RPS9: variants seen among roughly 807,000 people sequenced by gnomAD.
RPS9 encodes the protein ribosomal protein S9.
Under a neutral mutation model 16.9 loss-of-function variants are expected in RPS9, and 1 was observed. The ratio of observed to expected loss-of-function variants is 0.06; its 90% confidence interval spans 0.02 to 0.28. RPS9 has a LOEUF of 0.28. Among genes scored for constraint, RPS9 ranks in the 10% least tolerant of loss-of-function variants. The pLI is 1.00. For synonymous variants in RPS9, 106 were observed against 110.9 expected (o/e 0.96, Z 0.28); for missense variants, 137 against 273.2 (o/e 0.50, Z 3.51).
intron 4 of RPS9, 181 bp from the exon 5 acceptor site, chr19:54,207,216 AT>A (rs1439486863): frequency 1.8e-6 from 1 of 560,744 alleles, no homozygotes; most frequent in Non-Finnish European, 3.1e-6. Context: ...ATTTTTGGGG[AT>A]TAAGGTGATA....
intron 3 of RPS9, among the ~76,000 whole-genome samples, chr19:54,204,429 G>C (rs183645910): frequency 6.6e-6 from 1 of 152,072 alleles, no homozygotes; most frequent in Non-Finnish European, 1.5e-5. Context: ...TAATGGTGAC[G>C]ATCTCACTTT....
intron 4 of RPS9, 34 bp from the exon 5 acceptor site, chr19:54,207,364 C>T (rs747949256): frequency 2.5e-6 from 4 of 1,571,628 alleles, no homozygotes; most frequent in Non-Finnish European, 3.5e-6. Context: ...GTCCGTTTCT[C>T]CTCCAGTCCA....
chr19:54,202,181 A>T (rs1365225764), intron 3 of RPS9, among the ~76,000 whole-genome samples: 1 of 151,290 alleles, frequency 6.6e-6, no homozygotes, highest in South Asian at 2.1e-4. Flanking sequence ...GCACGCCACC[A>T]CACCTGGCTA....
chr19:54,202,947 C>T (rs1003480471), intron 3 of RPS9: 149 of 968,868 alleles, frequency 1.5e-4, no homozygotes, highest in Non-Finnish European at 1.8e-4. Context: ...ATCCATCCAC[C>T]TCAGCTTTCC....
rs1411418806 is a variant in RPS9, at chr19:54,206,164, T to TC, written c.221-112_221-111insC. 1.6e-5 allele frequency: 17 copies of TC among 1,035,254 alleles called. No individual in the cohort carries two copies. The East Asian group carries it at 4.4e-4, about 27-fold the overall frequency. The allele number at this position is 1,035,254 out of a possible 1,614,324, so 64.1% of individuals were successfully genotyped here. A position where few individuals can be genotyped will look rare whatever the true frequency, so the allele number is the denominator to read the frequency against. On this transcript the variant is annotated intron_variant, in intron 3 of 4. Coordinates refer to ENST00000302907, the MANE Select transcript of RPS9 (RefSeq NM_001013.4). ...ATGGGTCACGGTGATGGCGCTGTAC[T>TC]ACTTGTGCCTCACCGCCGCGGCATG...
At chr19:54,202,348 G>T in intron 3 of RPS9, 1 of 828,576 alleles carries the variant, frequency 1.2e-6, no homozygotes, top group Non-Finnish European at 1.5e-6. Flanking sequence ...ACCAAGCCTG[G>T]CTAATTTTCT....
intron 3 of RPS9, chr19:54,202,736 A>G (rs2077102186): frequency 1.0e-6 from 1 of 985,258 alleles, no homozygotes; most frequent in African/African-American, 1.7e-5. Flanking sequence ...TTATGGTGAA[A>G]AGCAGTCTCT....
At chr19:54,202,599 T>C (rs1279160907) in intron 3 of RPS9, 1 of 985,276 alleles carries the variant, frequency 1.0e-6, no homozygotes, top group South Asian at 4.7e-5. Flanking sequence ...ATCTTAACCA[T>C]CTTGTTTTAA....
In RPS9 at chr19:54,201,472, C is replaced by A; in HGVS notation, c.98-15C>A. 6.2e-7 allele frequency: 1 copy of A among 1,613,626 alleles called. No homozygotes were observed. The highest frequency in any genetic ancestry group is 8.5e-7 in the Non-Finnish European group (1 of 1,179,794). On this transcript the variant is annotated splice_polypyrimidine_tract_variant and intron_variant, in intron 2 of 4. Coordinates refer to ENST00000302907, the MANE Select transcript of RPS9 (RefSeq NM_001013.4). ...TACGTGGGACTACACTTGTCCACCC[C>A]CTTCTCCCCACCAGGCGAGTATGGG...
intron 3 of RPS9, among the ~76,000 whole-genome samples, chr19:54,204,163 C>T (rs1354772123): frequency 6.6e-6 from 1 of 152,164 alleles, no homozygotes; most frequent in East Asian, 1.9e-4. Flanking sequence ...GCGGATCACC[C>T]GAGGTCGGGA....
intron 3 of RPS9, 99 bp from the exon 4 acceptor site, chr19:54,206,177 C>T (rs1600767872): frequency 1.6e-6 from 2 of 1,226,368 alleles, no homozygotes; most frequent in East Asian, 5.0e-5. Flanking sequence ...TTGTGCCTCA[C>T]CGCCGCGGCA....
At position 54,206,394 on chromosome 19, in the gene RPS9, G is replaced by T; in HGVS notation, c.339G>T (p.Gln113His). 6.2e-7 allele frequency: 1 copy of T among 1,614,284 alleles called. No individual in the cohort carries two copies. Among genetic ancestry groups the T allele is most frequent in the Non-Finnish European group, 8.5e-7 (1 of 1,180,054 alleles). The change falls in exon 4 of 5, where the codon CAG (glutamine) becomes CAT (histidine). Residue 113 changes from glutamine (Q) to histidine (H), a missense_variant. Physicochemically the swap from Gln to His is conservative, Grantham distance 24. Coordinates refer to ENST00000302907, the MANE Select transcript of RPS9 (RefSeq NM_001013.4). ...EDFLERRLQT[Q>H]VFKLGLAKSI... The stretch of plus-strand genomic sequence containing the variant: ...TCTTAGAGAGACGCCTGCAGACCCA[G>T]GTCTTCAAGCTGGGCTTGGCCAAGT...
Position 54,203,276 on chromosome 19 carries a change from G to A in RPS9, c.220+1667G>A, listed in dbSNP as rs141801408. The A allele has an allele frequency of 2.7e-4, 270 of 985,332 alleles. 2 individuals are homozygous for A. The African/African-American group carries it at 4.4e-3, about 16-fold the overall frequency. 61.0% of individuals were successfully genotyped at this position (985,332 alleles called of 1,614,324 possible). On this transcript the variant is annotated intron_variant, in intron 3 of 4. Transcript: ENST00000302907. ...TCCCAAGGGGTACACAGTTGTTCAG[G>A]TGAGTACACTTTCTAGTAAATGAAG...
chr19:54,203,348 T>C (rs2077126115), intron 3 of RPS9: 1 of 979,650 alleles, frequency 1.0e-6, no homozygotes, highest in Non-Finnish European at 1.2e-6. Context: ...GGATGTTTGC[T>C]CTTTGGTGTA....
At chr19:54,206,673 C>T in intron 4 of RPS9, 1 of 1,543,088 alleles carries the variant, frequency 6.5e-7, no homozygotes, top group Non-Finnish European at 8.7e-7. Flanking sequence ...CACTGCGGCT[C>T]TAGCCGTACA....
At chr19:54,203,392 T>A in intron 3 of RPS9, 2 of 774,232 alleles carry the variant, frequency 2.6e-6, no homozygotes, top group Non-Finnish European at 1.6e-6. Context: ...CCTTTCCCAC[T>A]AAGATGTGTG....
chr19:54,201,667 C>T (rs149572654), intron 3 of RPS9, 58 bp downstream of exon 3: 153 of 1,603,944 alleles, frequency 9.5e-5, no homozygotes, highest in Non-Finnish European at 1.3e-4. Flanking sequence ...GGTTCATTCT[C>T]CCTTCTGTTG....
rs752714838 is a variant in RPS9 at position 54,207,611 on chromosome 19, G to GT, written c.*40dup. On this transcript the variant is annotated 3_prime_UTR_variant, in exon 5 of 5. Coordinates refer to ENST00000302907, the MANE Select transcript of RPS9 (RefSeq NM_001013.4). Reference sequence around the variant, plus strand: ...CCCTCCTGGGCTGCTGGATTGTCTCGTTTTCCTGCCAAATAAACAGGATCA... The same window carrying GT: ...CCCTCCTGGGCTGCTGGATTGTCTCGTTTTTCCTGCCAAATAAACAGGATCA... 1.2e-4 allele frequency: 181 copies of GT among 1,531,586 alleles called. No individual in the cohort carries two copies. Among genetic ancestry groups the GT allele is most frequent in the African/African-American group, 2.8e-5 (2 of 72,638 alleles). 94.9% of individuals were successfully genotyped at this position (1,531,586 alleles called of 1,614,324 possible). A position where few individuals can be genotyped will look rare whatever the true frequency, so the allele number is the denominator to read the frequency against.
At chr19:54,206,795 GTC>G in intron 4 of RPS9, 3 of 1,348,842 alleles carry the variant, frequency 2.2e-6, no homozygotes, top group Non-Finnish European at 2.9e-6. Flanking sequence ...GGGTTCAGCT[GTC>G]TCCTGGCCCG....
Sources: allele counts gnomAD v4.1 joint callset (sites outside exome capture counted in the v4.1 genomes callset), GRCh38; gene constraint gnomAD v4.1.1; transcripts MANE v1.5; gene names NCBI Gene and HGNC (gene_info 2026-07-23, HGNC 2026-07-21).